ARHGAP28: variants seen among roughly 807,000 people sequenced by gnomAD.
ARHGAP28 encodes the protein Rho GTPase activating protein 28.
ARHGAP28 carries 56 observed loss-of-function variants against 90.7 expected under a neutral mutation model. The ratio of observed to expected loss-of-function variants is 0.62; its 90% CI spans 0.50 to 0.77. The LOEUF (loss-of-function observed/expected upper bound fraction) is 0.77. Among genes scored for constraint, ARHGAP28 ranks in the 30% least tolerant of loss-of-function variants. ARHGAP28 has a pLI of 0.00. For synonymous variants in ARHGAP28, 308 were observed against 323.3 expected (o/e 0.95, Z 0.51); for missense variants, 869 against 900.9 (o/e 0.96, Z 0.45).
chr18:6,831,128 A>G (rs1386690883), intron 2 of ARHGAP28, among the ~76,000 whole-genome samples: 1 of 152,144 alleles, frequency 6.6e-6, no homozygotes, highest in Non-Finnish European at 1.5e-5. Context: ...GAGTGATTCT[A>G]GTGGATATGT....
chr18:6,799,856 G>A (rs1056346000), intron 1 of ARHGAP28, among the ~76,000 whole-genome samples: 4 of 152,176 alleles, frequency 2.6e-5, no homozygotes, highest in Admixed American at 2.6e-4. Context: ...AGCCAAAATT[G>A]ACAATTGGGA....
At chr18:6,896,986 C>T in intron 16 of ARHGAP28, 1 of 170,026 alleles carries the variant, frequency 5.9e-6, no homozygotes, top group Non-Finnish European at 1.3e-5. Flanking sequence ...AATCTTGGCT[C>T]ACTGCACCCT....
At chr18:6,804,034 C>G (rs1327083242) in intron 1 of ARHGAP28, among the ~76,000 whole-genome samples, 3 of 152,212 alleles carry the variant, frequency 2.0e-5, no homozygotes, top group Non-Finnish European at 2.9e-5. Context: ...CTGCCTCGGC[C>G]TCCCAAAGTG....
intron 1 of ARHGAP28, among the ~76,000 whole-genome samples, chr18:6,764,926 C>T (rs2056188811): frequency 1.3e-5 from 2 of 152,142 alleles, no homozygotes; most frequent in South Asian, 4.1e-4. Context: ...AACCAAATGA[C>T]CAATACAATT....
At chr18:6,911,133 C>T (rs1401619215) in intron 17 of ARHGAP28, among the ~76,000 whole-genome samples, 1 of 152,144 alleles carries the variant, frequency 6.6e-6, no homozygotes, top group Non-Finnish European at 1.5e-5. Flanking sequence ...CGCGCTCGGC[C>T]AGCTCTTGGT....
At chr18:6,872,239 G>C (rs995714499) in intron 7 of ARHGAP28, among the ~76,000 whole-genome samples, 2 of 152,168 alleles carry the variant, frequency 1.3e-5, no homozygotes, top group Non-Finnish European at 2.9e-5. Context: ...ATAGGATTTA[G>C]CACATAGTAG....
chr18:6,878,485 TA>T (rs2057151570), intron 10 of ARHGAP28, among the ~76,000 whole-genome samples: 1 of 151,920 alleles, frequency 6.6e-6, no homozygotes, highest in Non-Finnish European at 1.5e-5. Context: ...CCCTAAAACT[TA>T]AAGTATAATA....
chr18:6,816,617 G>C (rs2056592427), intron 1 of ARHGAP28, among the ~76,000 whole-genome samples: 1 of 152,072 alleles, frequency 6.6e-6, no homozygotes, highest in Non-Finnish European at 1.5e-5. Context: ...CTTTGGTTTT[G>C]GTATATTCTT....
intron 1 of ARHGAP28, among the ~76,000 whole-genome samples, chr18:6,734,732 C>T (rs540431920): frequency 3.9e-5 from 6 of 152,180 alleles, no homozygotes; most frequent in Admixed American, 2.6e-4. Flanking sequence ...TATGTAGGCC[C>T]GTATGAGCTT....
At chr18:6,849,180 C>T (rs2056889706) in intron 3 of ARHGAP28, among the ~76,000 whole-genome samples, 1 of 150,332 alleles carries the variant, frequency 6.7e-6, no homozygotes, top group South Asian at 2.1e-4. Flanking sequence ...ATCCCTTGAG[C>T]CCAGGTGTTC....
intron 11 of ARHGAP28, among the ~76,000 whole-genome samples, chr18:6,886,023 A>G (rs1458250921): frequency 1.3e-5 from 2 of 152,136 alleles, no homozygotes; most frequent in Non-Finnish European, 2.9e-5. Flanking sequence ...CCACAAATCT[A>G]CACATGGATT....
At chr18:6,797,663 G>A (rs1051488967) in intron 1 of ARHGAP28, among the ~76,000 whole-genome samples, 1 of 150,202 alleles carries the variant, frequency 6.7e-6, no homozygotes, top group East Asian at 1.9e-4. Context: ...TTTTAGAAAC[G>A]CTTTTTTTTT....
intron 2 of ARHGAP28, among the ~76,000 whole-genome samples, chr18:6,835,754 A>G (rs2056748448): frequency 6.6e-6 from 1 of 152,128 alleles, no homozygotes. Flanking sequence ...TTTTCTTCTG[A>G]AAAAAAGAGA....
At chr18:6,838,106 A>G (rs561306457) in intron 3 of ARHGAP28, among the ~76,000 whole-genome samples, 1 of 152,350 alleles carries the variant, frequency 6.6e-6, no homozygotes, top group African/African-American at 2.4e-5. Context: ...GCAATGTTAC[A>G]TTACAATAAT....
At position 6,870,723 on chromosome 18, in the gene ARHGAP28, T is replaced by G; in HGVS notation, c.945T>G (p.Tyr315Ter). The G allele has an allele frequency of 1.9e-6, 3 of 1,602,566 alleles. No homozygotes were observed. The highest frequency in any genetic ancestry group is 2.5e-6 in the Non-Finnish European group (3 of 1,177,148). Residue 315 changes from tyrosine (Y) to a stop codon, truncating the protein, a stop_gained, in exon 7 of 18, where the codon TAT becomes TAG. Coordinates refer to ENST00000383472, the MANE Select transcript of ARHGAP28 (RefSeq NM_001366230.1). LOFTEE classifies it high-confidence loss of function. ...LKKSEIKKED[Y>*]VLTKFNVQKT... ...AATCAGAGATTAAGAAAGAAGACTATGTTTTAACTGTAAGCAAAACCTTTC... is the reference window on the plus strand; with the variant it reads ...AATCAGAGATTAAGAAAGAAGACTAGGTTTTAACTGTAAGCAAAACCTTTC...
intron 1 of ARHGAP28, among the ~76,000 whole-genome samples, chr18:6,740,410 G>A (rs1299222474): frequency 2.6e-5 from 4 of 152,134 alleles, no homozygotes; most frequent in Non-Finnish European, 5.9e-5. Context: ...TACAGCCCTT[G>A]TCCCTCAGTG....
Position 6,887,385 on chromosome 18 carries a change from C to T in ARHGAP28, c.1536+146C>T. ...CACGGCCTTTCTGTGCTCCCACTGC[C>T]CTTCTCCTGAGGAAGACAAGAAAGA... On this transcript the variant is annotated intron_variant, in intron 12 of 17. Coordinates refer to ENST00000383472, the MANE Select transcript of ARHGAP28 (RefSeq NM_001366230.1). 1.1e-5 allele frequency: 7 copies of T among 660,444 alleles called. No individual in the cohort carries two copies. In the South Asian group the frequency reaches 1.2e-4, roughly 11 times the overall value. The allele number at this position is 660,444 out of a possible 1,614,324, so 40.9% of individuals were successfully genotyped here.
chr18:6,835,668 T>C (rs1465475085), intron 2 of ARHGAP28, among the ~76,000 whole-genome samples: 1 of 152,206 alleles, frequency 6.6e-6, no homozygotes, highest in Non-Finnish European at 1.5e-5. Flanking sequence ...ATATGTGTAG[T>C]AGATTTTCTG....
At position 6,765,220 on chromosome 18, in the gene ARHGAP28, T is replaced by C. The variant is rs75131529; in HGVS notation, c.122+35277T>C. 7.7e-3 allele frequency among the ~76,000 whole-genome samples: 1,180 copies of C among 152,336 alleles called. 8 individuals carry two copies. The highest frequency in any genetic ancestry group is 0.027 in the African/African-American group (1,118 of 41,574). ...CTTTTACCTCTTTTCTGTGCAAGTT[T>C]GGTTTCTTCCTTAATGTTTGATAGC... On this transcript the variant is annotated intron_variant, in intron 1 of 17. Transcript: ENST00000383472.
Sources: allele counts gnomAD v4.1 joint callset (sites outside exome capture counted in the v4.1 genomes callset), GRCh38; gene constraint gnomAD v4.1.1; transcripts MANE v1.5; gene names NCBI Gene and HGNC (gene_info 2026-07-23, HGNC 2026-07-21).